The following SOX5 variants were observed in gnomAD, a reference collection of about 807,000 sequenced individuals.
SOX5 encodes the protein SRY-box transcription factor 5, also known as transcription factor SOX-5.
SOX5 carries 9 observed loss-of-function variants against 92.0 expected under a neutral mutation model. That is an observed-to-expected ratio of 0.10 (90% CI 0.06 to 0.17). The LOEUF (loss-of-function observed/expected upper bound fraction) is 0.17. Ranked by LOEUF, SOX5 falls within the 10% of genes least tolerant of loss-of-function variation. The probability of loss-of-function intolerance (pLI) is 1.00; values close to 1 mark genes in which losing one functional copy is unlikely to be tolerated. For synonymous variants in SOX5, 344 were observed against 336.3 expected, an observed-to-expected ratio of 1.02 and a Z score of -0.25; for missense variants, 642 against 944.5, an observed-to-expected ratio of 0.68 and a Z score of 4.20.
intron 4 of SOX5, among the ~76,000 whole-genome samples, chr12:24,201,939 A>T (rs1269770441): frequency 6.6e-6 from 1 of 152,166 alleles, no homozygotes; most frequent in Non-Finnish European, 1.5e-5. Flanking sequence ...TTTTACATCT[A>T]CCAGAATACA....
chr12:23,675,347 G>A (rs1225329392), intron 6 of SOX5, among the ~76,000 whole-genome samples: 1 of 152,120 alleles, frequency 6.6e-6, no homozygotes, highest in Non-Finnish European at 1.5e-5. Flanking sequence ...AGTGCAGACT[G>A]CACAGTGTAG....
At chr12:23,792,659 A>AAAAAAC (rs2095496767) in intron 3 of SOX5, among the ~76,000 whole-genome samples, 2 of 132,460 alleles carry the variant, frequency 1.5e-5, no homozygotes, top group African/African-American at 2.7e-5. Flanking sequence ...AAAAAAAAAA[A>AAAAAAC]AAACTTGGAC....
intron 2 of SOX5, among the ~76,000 whole-genome samples, chr12:24,359,358 G>A (rs187965211): frequency 1.3e-3 from 191 of 152,278 alleles, no homozygotes; most frequent in Non-Finnish European, 2.0e-3. Context: ...CGGTCTTGCC[G>A]TTATCTGATG....
intron 1 of SOX5, among the ~76,000 whole-genome samples, chr12:24,462,726 G>A (rs1943781654): frequency 6.6e-6 from 1 of 152,162 alleles, no homozygotes. Flanking sequence ...TCCTTAGGAT[G>A]TGCTTCTACT....
intron 6 of SOX5, among the ~76,000 whole-genome samples, chr12:23,682,494 T>C (rs780080515): frequency 2.1e-4 from 32 of 151,938 alleles, no homozygotes; most frequent in Non-Finnish European, 4.0e-4. Flanking sequence ...GCTGTGTTTG[T>C]TCTCATTAAT....
At chr12:24,449,087 A>G (rs1355001) in intron 1 of SOX5, among the ~76,000 whole-genome samples, 29,505 of 151,996 alleles carry the variant, frequency 0.19, 3,619 homozygotes, top group East Asian at 0.66. Flanking sequence ...AACTTCCTAC[A>G]CTATTACAAT....
At chr12:23,791,839 AAGTGATACCTATTT>A (rs1594472692) in intron 3 of SOX5, among the ~76,000 whole-genome samples, 1 of 152,108 alleles carries the variant, frequency 6.6e-6, no homozygotes, top group East Asian at 1.9e-4. Context: ...TGAAATTAAA[AAGTGATACCTATTT>A]CAAATAAAGT....
At chr12:23,769,458 C>T (rs975955506) in intron 3 of SOX5, among the ~76,000 whole-genome samples, 10 of 152,062 alleles carry the variant, frequency 6.6e-5, no homozygotes, top group Non-Finnish European at 1.2e-4. Flanking sequence ...CCTTTAAGCC[C>T]ACCAGCTCTT....
chr12:24,134,812 C>T (rs993233497), intron 4 of SOX5, among the ~76,000 whole-genome samples: 2 of 152,150 alleles, frequency 1.3e-5, no homozygotes, highest in Non-Finnish European at 2.9e-5. Context: ...CACTTTTAAA[C>T]ACTGAACATA....
At chr12:24,024,826 T>C (rs758422575) in intron 4 of SOX5, among the ~76,000 whole-genome samples, 1 of 152,020 alleles carries the variant, frequency 6.6e-6, no homozygotes, top group Non-Finnish European at 1.5e-5. Flanking sequence ...GAAAAGATTA[T>C]AAAGCTTGAG....
chr12:23,767,675 G>A (rs1206317436), intron 3 of SOX5, among the ~76,000 whole-genome samples: 3 of 152,142 alleles, frequency 2.0e-5, no homozygotes, highest in South Asian at 2.1e-4. Flanking sequence ...ATAAAATCAT[G>A]TCTCATATCT....
At chr12:24,334,965 TTC>T (rs1444703958) in intron 2 of SOX5, among the ~76,000 whole-genome samples, 6 of 152,282 alleles carry the variant, frequency 3.9e-5, no homozygotes, top group African/African-American at 1.4e-4. Context: ...ATAATGAATT[TTC>T]TCTGATATAA....
intron 4 of SOX5, among the ~76,000 whole-genome samples, chr12:24,139,041 T>C (rs1392633212): frequency 4.6e-5 from 7 of 152,204 alleles, no homozygotes; most frequent in Admixed American, 3.9e-4. Flanking sequence ...ACAACAGGCA[T>C]GCAAACTGCT....
At chr12:23,950,891 T>G, upstream of SOX5, 1 of 1,535,046 alleles carries the variant, frequency 6.5e-7, no homozygotes, top group Non-Finnish European at 8.7e-7. Flanking sequence ...GCAGAGATGG[T>G]GGCTGCCCCG....
intron 4 of SOX5, among the ~76,000 whole-genome samples, chr12:23,983,336 A>G (rs1344518812): frequency 6.6e-6 from 1 of 152,112 alleles, no homozygotes; most frequent in Non-Finnish European, 1.5e-5. Context: ...CCAAGCTCAA[A>G]TCATGCTTTC....
At chr12:24,019,526 C>T (rs1747253905) in intron 4 of SOX5, among the ~76,000 whole-genome samples, 1 of 152,160 alleles carries the variant, frequency 6.6e-6, no homozygotes, top group African/African-American at 2.4e-5. Flanking sequence ...AGGCCTGATT[C>T]TCAGAAAGGA....
chr12:23,979,696 A>ACGTTT (rs1949301745), intron 4 of SOX5, among the ~76,000 whole-genome samples: 1 of 27,430 alleles, frequency 3.6e-5, no homozygotes, highest in Non-Finnish European at 7.5e-5. Context: ...ATATATATAT[A>ACGTTT]TGTTTTTTTT....
intron 4 of SOX5, among the ~76,000 whole-genome samples, chr12:24,158,976 TC>T (rs946892020): frequency 6.6e-6 from 1 of 151,954 alleles, no homozygotes; most frequent in African/African-American, 2.4e-5. Flanking sequence ...AATAATACTT[TC>T]AAAATTACTT....
At chr12:23,879,957 G>T (rs111608268) in intron 2 of SOX5, among the ~76,000 whole-genome samples, 1 of 152,234 alleles carries the variant, frequency 6.6e-6, no homozygotes, top group Admixed American at 6.5e-5. Context: ...AGTCTCCAAG[G>T]CAAGCTAGGT....
Sources: gnomAD v4.1 joint callset for allele counts (sites outside exome capture counted in the v4.1 genomes callset) on GRCh38, gnomAD v4.1.1 for gene constraint, MANE v1.5 for transcripts, NCBI Gene and HGNC (gene_info 2026-07-23, HGNC 2026-07-21) for gene names.